Variants in AVEN observed in about 807,000 individuals in gnomAD.
The protein encoded by AVEN is apoptosis and caspase activation inhibitor, also known as cell death regulator Aven.
AVEN carries 41 observed loss-of-function variants against 38.1 expected under a neutral mutation model. The observed-to-expected ratio is 1.08, with a 90% confidence interval of 0.84 to 1.40. AVEN has a LOEUF of 1.40. Ranked by LOEUF, AVEN falls within the 40% of genes most tolerant of loss-of-function variation. The pLI is 0.00. For synonymous variants in AVEN, 206 were observed against 171.8 expected, an observed-to-expected ratio of 1.20 and a Z score of -1.56; for missense variants, 605 against 438.8, an observed-to-expected ratio of 1.38 and a Z score of -3.38.
intron 1 of AVEN, among the ~76,000 whole-genome samples, chr15:34,038,546 C>G (rs114411704): frequency 0.016 from 2,366 of 152,094 alleles, 74 homozygotes; most frequent in African/African-American, 0.054. Flanking sequence ...CCTCCTACCC[C>G]CACTGTCTCG....
intron 1 of AVEN, among the ~76,000 whole-genome samples, chr15:34,008,293 C>T (rs1409070244): frequency 1.3e-5 from 2 of 151,758 alleles, no homozygotes; most frequent in African/African-American, 4.8e-5. Flanking sequence ...TGGTGGTGTA[C>T]CTCTGTTGTC....
At chr15:33,865,301 C>A, downstream of AVEN, 1 of 978,306 alleles carries the variant, frequency 1.0e-6, no homozygotes, top group Non-Finnish European at 1.6e-6. Flanking sequence ...TACAGTTCTG[C>A]AACATATCTG....
At chr15:33,859,621 T>C (rs1296304871) in intron 11 of AVEN, 8 of 1,613,942 alleles carry the variant, frequency 5.0e-6, no homozygotes, top group East Asian at 2.2e-5. Flanking sequence ...GGAGGTGGCA[T>C]TGGTGATGAA....
chr15:33,863,591 A>G (rs1011011322), downstream of AVEN, among the ~76,000 whole-genome samples: 11 of 152,140 alleles, frequency 7.2e-5, no homozygotes, highest in Non-Finnish European at 1.0e-4. Flanking sequence ...GACAAACTCA[A>G]ACCTAAGATA....
intron 2 of AVEN, chr15:33,969,259 C>T (rs1012416225): frequency 6.6e-6 from 1 of 151,938 alleles, no homozygotes; most frequent in Non-Finnish European, 1.5e-5. Flanking sequence ...CTTCCTTAAG[C>T]TTTTGCAGAT....
chr15:33,983,589 T>C (rs983864727), intron 2 of AVEN, among the ~76,000 whole-genome samples: 3 of 152,112 alleles, frequency 2.0e-5, no homozygotes, highest in African/African-American at 7.2e-5. Flanking sequence ...AAAAACAGTA[T>C]CTTTGCATAG....
intron 2 of AVEN, among the ~76,000 whole-genome samples, chr15:33,961,942 T>C (rs1037326866): frequency 1.3e-5 from 2 of 151,794 alleles, no homozygotes; most frequent in African/African-American, 4.8e-5. Context: ...TCAAAAATCA[T>C]TCATAGATGA....
chr15:33,880,404 G>C (rs1432911374), intron 2 of AVEN, among the ~76,000 whole-genome samples: 1 of 152,198 alleles, frequency 6.6e-6, no homozygotes, highest in Non-Finnish European at 1.5e-5. Flanking sequence ...AGAAAGCTCT[G>C]CTAGTCTTAC....
Position 33,866,692 on chromosome 15 carries a change from A to C in AVEN, c.1010T>G (p.Met337Arg). Residue 337 changes from methionine (M) to arginine (R), a missense_variant, in exon 6 of 6, where the codon ATG (methionine) becomes AGG (arginine). Transcript: ENST00000306730. ...GGAGGTACTTGGTTGCTCAGGTTCC[A>C]TGTTTTTTTCTTCAGTCACAGATGG... ...AKPSVTEEKN[M>R]EPEQPSTSKN... The C allele has an allele frequency of 6.2e-7, 1 of 1,614,012 alleles. No individual in the cohort carries two copies. The highest frequency in any genetic ancestry group is 8.5e-7 in the Non-Finnish European group (1 of 1,179,940).
downstream of AVEN, among the ~76,000 whole-genome samples, chr15:33,862,682 C>G (rs1195644549): frequency 6.6e-6 from 1 of 152,062 alleles, no homozygotes; most frequent in Non-Finnish European, 1.5e-5. Context: ...GCCATCTTGG[C>G]TCACTGTAGC....
intron 2 of AVEN, among the ~76,000 whole-genome samples, chr15:33,907,580 G>C (rs1454879198): frequency 1.3e-5 from 2 of 152,128 alleles, no homozygotes. Flanking sequence ...TATTCATAAT[G>C]TATCACAGCC....
chr15:33,892,656 T>A (rs1892036701), intron 2 of AVEN, among the ~76,000 whole-genome samples: 1 of 152,222 alleles, frequency 6.6e-6, no homozygotes, highest in East Asian at 1.9e-4. Flanking sequence ...GGTAGCGTGA[T>A]GCCTCCAGCT....
At position 34,063,555 on chromosome 15, in the gene AVEN, A is replaced by G; in HGVS notation, n.1127-123T>C. On this transcript the variant is annotated intron_variant and non_coding_transcript_variant, in intron 4 of 11. Coordinates refer to the AVEN transcript ENST00000675287. The surrounding 1 kb of genome is among the most constrained non-coding windows in gnomAD (Gnocchi z 4.1). ...GTCATCCTCCCGCAGGAGCACCTCC[A>G]CCACTGGGAAGCCATCCCAAGCCAC... 1 of 1,613,458 alleles carries G rather than the reference A, an allele frequency of 6.2e-7. No individual in the cohort carries two copies. Among genetic ancestry groups the G allele is most frequent in the Non-Finnish European group, 8.5e-7 (1 of 1,179,976 alleles).
intron 1 of AVEN, among the ~76,000 whole-genome samples, chr15:34,033,443 T>G (rs945126425): frequency 2.0e-5 from 3 of 151,832 alleles, no homozygotes; most frequent in South Asian, 4.2e-4. Context: ...GAGGCGGAGA[T>G]TGCAGTGAGC....
chr15:33,909,420 C>G (rs1215222995), intron 2 of AVEN, among the ~76,000 whole-genome samples: 1 of 152,106 alleles, frequency 6.6e-6, no homozygotes, highest in African/African-American at 2.4e-5. Flanking sequence ...TATAAATGTA[C>G]CAACAGTGAC....
intron 2 of AVEN, among the ~76,000 whole-genome samples, chr15:33,941,827 C>A (rs1894328956): frequency 1.3e-5 from 2 of 152,252 alleles, no homozygotes; most frequent in South Asian, 4.1e-4. Flanking sequence ...AGAGGATAGG[C>A]AATACTTGTA....
intron 2 of AVEN, among the ~76,000 whole-genome samples, chr15:33,985,798 TC>T (rs1896418869): frequency 6.6e-6 from 1 of 152,144 alleles, no homozygotes; most frequent in Non-Finnish European, 1.5e-5. Flanking sequence ...AGTCACTTAA[TC>T]TTTTTAAGCT....
chr15:34,029,482 AC>A (rs1898659953), intron 1 of AVEN, among the ~76,000 whole-genome samples: 2 of 146,342 alleles, frequency 1.4e-5, no homozygotes, highest in South Asian at 4.5e-4. Flanking sequence ...GGAGTTCAAG[AC>A]CAGCCTGGGC....
chr15:33,949,039 T>C (rs1452799530), intron 2 of AVEN, among the ~76,000 whole-genome samples: 1 of 152,114 alleles, frequency 6.6e-6, no homozygotes, highest in Non-Finnish European at 1.5e-5. Context: ...TCTTCTTTTT[T>C]TGAGACGGAG....
Sources: gnomAD v4.1 joint callset for allele counts (sites outside exome capture counted in the v4.1 genomes callset) on GRCh38, gnomAD v4.1.1 for gene constraint, Gnocchi (gnomAD v3.1) non-coding constraint, MANE v1.5 for transcripts, NCBI Gene and HGNC (gene_info 2026-07-23, HGNC 2026-07-21) for gene names.